The following STUM variants were observed in gnomAD, a reference collection of about 807,000 sequenced individuals.
The protein encoded by STUM is stum, mechanosensory transduction mediator homolog, also known as protein stum homolog.
Under a neutral mutation model 15.3 loss-of-function variants are expected in STUM, and 8 were observed. That is an observed-to-expected ratio of 0.52 (90% CI 0.31 to 0.94). The LOEUF is 0.94. Ranked by LOEUF, STUM falls within the 40% of genes least tolerant of loss-of-function variation. The probability of loss-of-function intolerance (pLI) is 0.05; values close to 1 mark genes in which losing one functional copy is unlikely to be tolerated. For missense variants in STUM, 142 were observed against 204.9 expected, an observed-to-expected ratio of 0.69 and a Z score of 1.87; for synonymous variants, 78 against 88.7, an observed-to-expected ratio of 0.88 and a Z score of 0.68.
At chr1:226,596,403 C>T (rs1668180423) in intron 1 of STUM, among the ~76,000 whole-genome samples, 2 of 152,208 alleles carry the variant, frequency 1.3e-5, no homozygotes, top group Admixed American at 1.3e-4. Flanking sequence ...CATCAGCTTC[C>T]ACCTCAGAAC....
At chr1:226,561,395 C>T (rs967799778) in intron 1 of STUM, among the ~76,000 whole-genome samples, 1 of 152,172 alleles carries the variant, frequency 6.6e-6, no homozygotes, top group African/African-American at 2.4e-5. Flanking sequence ...CCTGTCACTT[C>T]TTGGCCTTCC....
At chr1:226,577,776 AG>A (rs1443506079) in intron 1 of STUM, among the ~76,000 whole-genome samples, 3 of 152,002 alleles carry the variant, frequency 2.0e-5, no homozygotes, top group Non-Finnish European at 4.4e-5. Flanking sequence ...GCTGTCCTGC[AG>A]TCTTCTCCCC....
At chr1:226,590,757 A>T (rs1222669654) in intron 1 of STUM, among the ~76,000 whole-genome samples, 1 of 152,270 alleles carries the variant, frequency 6.6e-6, no homozygotes, top group East Asian at 1.9e-4. Flanking sequence ...TGGACTGTGC[A>T]CCGCTTAGCT....
intron 1 of STUM, among the ~76,000 whole-genome samples, chr1:226,571,769 A>G (rs564495001): frequency 6.6e-6 from 1 of 152,120 alleles, no homozygotes; most frequent in African/African-American, 2.4e-5. Context: ...CCTCGTGAGT[A>G]GCTGGGATTC....
In STUM at chr1:226,600,054, T is replaced by C. The variant is rs989977145; in HGVS notation, c.383-612T>C. Among the ~76,000 whole-genome samples the C allele has an allele frequency of 1.3e-5, 2 of 152,188 alleles. No homozygotes were observed. Among genetic ancestry groups the C allele is most frequent in the African/African-American group, 4.8e-5 (2 of 41,446 alleles). ...GATGGGGCACATCAGCATCTTTAGA[T>C]TGCTGTAGTCAAAGCTCTAGCTGTC... On this transcript the variant is annotated intron_variant, in intron 2 of 3. Transcript: ENST00000366788. The surrounding 1 kb of genome is among the most constrained non-coding windows in gnomAD (Gnocchi z 5.2).
At chr1:226,564,906 G>A (rs879703558) in intron 1 of STUM, among the ~76,000 whole-genome samples, 2 of 152,148 alleles carry the variant, frequency 1.3e-5, no homozygotes, top group Non-Finnish European at 2.9e-5. Flanking sequence ...TAGCAGAGGT[G>A]GGCAGGGGAG....
At chr1:226,592,359 T>C (rs1668104987) in intron 1 of STUM, among the ~76,000 whole-genome samples, 1 of 152,184 alleles carries the variant, frequency 6.6e-6, no homozygotes, top group East Asian at 1.9e-4. Context: ...TTTTTCCTTA[T>C]TTTTTAATGT....
intron 3 of STUM, among the ~76,000 whole-genome samples, chr1:226,601,698 C>T (rs58376045): frequency 0.05 from 7,564 of 152,236 alleles, 638 homozygotes; most frequent in African/African-American, 0.17. Flanking sequence ...GAAAGCACAC[C>T]AGACCAGTCT....
chr1:226,569,459 G>C (rs1003897885), intron 1 of STUM, among the ~76,000 whole-genome samples: 1 of 152,152 alleles, frequency 6.6e-6, no homozygotes, highest in East Asian at 1.9e-4. Flanking sequence ...ACAATACCTG[G>C]CTTGTAGCAG....
intron 1 of STUM, among the ~76,000 whole-genome samples, chr1:226,563,053 T>G (rs1325875645): frequency 2.6e-5 from 4 of 152,174 alleles, no homozygotes; most frequent in African/African-American, 9.7e-5. Context: ...GCAAGACAAA[T>G]GGAGTGAAAT....
chr1:226,575,882 G>T (rs1284715011), intron 1 of STUM, among the ~76,000 whole-genome samples: 1 of 152,196 alleles, frequency 6.6e-6, no homozygotes, highest in Non-Finnish European at 1.5e-5. Context: ...TCTCCCCAGA[G>T]CCTGCGTTGG....
Position 226,603,521 on chromosome 1 carries a change from T to G in STUM, c.*1481T>G, listed in dbSNP as rs933976664. On this transcript the variant is annotated 3_prime_UTR_variant, in exon 4 of 4. Transcript: ENST00000366788. ...TCTGACTCCACTTGACACAGTGCCATTGGGCATGTCCCTCTCTGAAGGGCT... is the reference window on the plus strand; with the variant it reads ...TCTGACTCCACTTGACACAGTGCCAGTGGGCATGTCCCTCTCTGAAGGGCT... 2 of 152,352 alleles carry G rather than the reference T, an allele frequency of 1.3e-5. No homozygotes were observed. The highest frequency in any genetic ancestry group is 2.4e-5 in the African/African-American group (1 of 41,584). 9.4% of individuals were successfully genotyped at this position (152,352 alleles called of 1,614,324 possible).
At chr1:226,588,940 C>T (rs1206179314) in intron 1 of STUM, among the ~76,000 whole-genome samples, 1 of 152,234 alleles carries the variant, frequency 6.6e-6, no homozygotes, top group Non-Finnish European at 1.5e-5. Context: ...AGGCCTTCCT[C>T]AACCAACTCC....
chr1:226,566,926 G>T (rs1667634983), intron 1 of STUM, among the ~76,000 whole-genome samples: 1 of 152,190 alleles, frequency 6.6e-6, no homozygotes, highest in African/African-American at 2.4e-5. Flanking sequence ...CACATTGAAG[G>T]CTGAGGTTGA....
intron 1 of STUM, among the ~76,000 whole-genome samples, chr1:226,589,714 G>A (rs1055627062): frequency 1.6e-4 from 13 of 80,636 alleles, no homozygotes; most frequent in Non-Finnish European, 2.6e-4. Flanking sequence ...TGTTAGCTGG[G>A]ACCTCCAGGA....
At chr1:226,556,600 A>G (rs1027961340) in intron 1 of STUM, among the ~76,000 whole-genome samples, 2 of 152,196 alleles carry the variant, frequency 1.3e-5, no homozygotes, top group Admixed American at 6.5e-5. Flanking sequence ...AAGCATCATG[A>G]AAAGGGAGAT....
In STUM at chr1:226,552,673, C is replaced by T. The variant is rs774427043; in HGVS notation, c.202+3567C>T. 3.9e-5 allele frequency among the ~76,000 whole-genome samples: 6 copies of T among 152,196 alleles called. No homozygotes were observed. Among genetic ancestry groups the T allele is most frequent in the Non-Finnish European group, 7.3e-5 (5 of 68,044 alleles). On this transcript the variant is annotated intron_variant, in intron 1 of 3. Transcript: ENST00000366788. This position sits in a 1 kb window ranked among gnomAD's most constrained non-coding sequence, Gnocchi z 4.7. Reference sequence around the variant, plus strand: ...ATAGGGACAATTTATCCCTAACACACTGCCTACTCTTTGATGCTGCTAAAG... The same window carrying T: ...ATAGGGACAATTTATCCCTAACACATTGCCTACTCTTTGATGCTGCTAAAG...
rs1264540152 is a variant in STUM at position 226,565,087 on chromosome 1, C to T, written c.202+15981C>T. On this transcript the variant is annotated intron_variant, in intron 1 of 3. Transcript: ENST00000366788. This position sits in a 1 kb window ranked among gnomAD's most constrained non-coding sequence, Gnocchi z 4.4. ...TTAGCCAATGGGAGGCACTGGTAGG[C>T]ATGGAGGAAAGGAGGGAGAGTTTGG... 1.3e-5 allele frequency among the ~76,000 whole-genome samples: 2 copies of T among 152,198 alleles called. No homozygotes were observed. Among genetic ancestry groups the T allele is most frequent in the African/African-American group, 2.4e-5 (1 of 41,436 alleles).
At chr1:226,572,756 C>A (rs1186630841) in intron 1 of STUM, among the ~76,000 whole-genome samples, 2 of 152,316 alleles carry the variant, frequency 1.3e-5, no homozygotes, top group African/African-American at 4.8e-5. Context: ...TGGCATTGAG[C>A]AGGAAAGTCA....
Sources: allele counts gnomAD v4.1 joint callset (sites outside exome capture counted in the v4.1 genomes callset), GRCh38; gene constraint gnomAD v4.1.1; non-coding constraint Gnocchi (gnomAD v3.1); transcripts MANE v1.5; gene names NCBI Gene and HGNC (gene_info 2026-07-23, HGNC 2026-07-21).